The following SPIDR variants were observed in gnomAD, a reference collection of about 807,000 sequenced individuals.
SPIDR encodes DNA repair-scaffolding protein.
Under a neutral mutation model 104.6 loss-of-function variants are expected in SPIDR, and 93 were observed. The ratio of observed to expected loss-of-function variants is 0.89; its 90% CI spans 0.75 to 1.06. The LOEUF is 1.06. Ranked by LOEUF, SPIDR falls within the 50% of genes least tolerant of loss-of-function variation. The pLI is 0.00. For missense variants in SPIDR, 1,154 were observed against 1,111.2 expected, an observed-to-expected ratio of 1.04 and a Z score of -0.55; for synonymous variants, 431 against 416.9, an observed-to-expected ratio of 1.03 and a Z score of -0.41.
chr8:47,446,378 G>A (rs2070612432), intron 8 of SPIDR, among the ~76,000 whole-genome samples: 1 of 152,016 alleles, frequency 6.6e-6, no homozygotes, highest in South Asian at 2.1e-4. Context: ...CCAAACTTTT[G>A]AGACCTACTA....
At chr8:47,735,203 A>G (rs2086082121) in intron 19 of SPIDR, 104 bp from the exon 20 acceptor site, 8 of 1,076,806 alleles carry the variant, frequency 7.4e-6, no homozygotes, top group Non-Finnish European at 1.1e-5. Flanking sequence ...AAGGTCGTGG[A>G]CTGGGGAAAG....
At chr8:47,280,283 G>T (rs1207892437) in intron 2 of SPIDR, among the ~76,000 whole-genome samples, 1 of 147,870 alleles carries the variant, frequency 6.8e-6, no homozygotes, top group African/African-American at 2.5e-5. Flanking sequence ...TCACTTTGTT[G>T]CCCAGGCTGG....
intron 10 of SPIDR, among the ~76,000 whole-genome samples, chr8:47,603,395 AT>A (rs1010421060): frequency 6.6e-6 from 1 of 151,326 alleles, no homozygotes; most frequent in East Asian, 1.9e-4. Context: ...CCAGTAATTT[AT>A]TTTTTTCTTT....
At chr8:47,486,870 C>A (rs986469472) in intron 8 of SPIDR, among the ~76,000 whole-genome samples, 1 of 152,190 alleles carries the variant, frequency 6.6e-6, no homozygotes, top group Non-Finnish European at 1.5e-5. Flanking sequence ...CGGAAAGGAA[C>A]AACTGGTAGC....
At chr8:47,532,178 T>C (rs2086138757) in intron 8 of SPIDR, among the ~76,000 whole-genome samples, 1 of 150,780 alleles carries the variant, frequency 6.6e-6, no homozygotes. Flanking sequence ...CAAGCAATTC[T>C]CCTGCCTCAG....
chr8:47,575,958 T>TA (rs1308892468), intron 8 of SPIDR, among the ~76,000 whole-genome samples: 1,442 of 140,622 alleles, frequency 0.01, 22 homozygotes, highest in African/African-American at 0.033. Flanking sequence ...AGATTCCTTT[T>TA]AAAAAAAAAA....
chr8:47,619,805 G>A (rs924228232), intron 10 of SPIDR, among the ~76,000 whole-genome samples: 3 of 151,928 alleles, frequency 2.0e-5, no homozygotes, highest in Non-Finnish European at 2.9e-5. Flanking sequence ...GCTCTTTAAT[G>A]TCTTTAAGAG....
At chr8:47,581,085 G>C (rs1276640087) in intron 8 of SPIDR, among the ~76,000 whole-genome samples, 1 of 152,090 alleles carries the variant, frequency 6.6e-6, no homozygotes, top group Non-Finnish European at 1.5e-5. Context: ...CTCTCACAGA[G>C]GCAACATTCT....
chr8:47,291,487 C>G (rs1243198930), intron 4 of SPIDR, among the ~76,000 whole-genome samples: 1 of 152,182 alleles, frequency 6.6e-6, no homozygotes, highest in African/African-American at 2.4e-5. Context: ...AGCCCAGCAA[C>G]TGCACCTTTA....
At chr8:47,400,365 T>G (rs530181851) in intron 6 of SPIDR, among the ~76,000 whole-genome samples, 3 of 152,304 alleles carry the variant, frequency 2.0e-5, no homozygotes, top group East Asian at 3.9e-4. Context: ...GGATGTCTGT[T>G]TTGAAGTTAC....
chr8:47,663,871 A>G (rs539655436), intron 10 of SPIDR, among the ~76,000 whole-genome samples: 1 of 152,364 alleles, frequency 6.6e-6, no homozygotes, highest in East Asian at 1.9e-4. Flanking sequence ...ATGAGGACAC[A>G]GTGGATTCTC....
intron 11 of SPIDR, among the ~76,000 whole-genome samples, chr8:47,680,802 A>C (rs2076998019): frequency 6.6e-6 from 1 of 152,234 alleles, no homozygotes; most frequent in South Asian, 2.1e-4. Flanking sequence ...AGGAGAATAA[A>C]GTACCACTTA....
intron 10 of SPIDR, among the ~76,000 whole-genome samples, chr8:47,665,611 C>G (rs2074802635): frequency 6.6e-6 from 1 of 152,156 alleles, no homozygotes; most frequent in South Asian, 2.1e-4. Context: ...TCATACATAT[C>G]TGTGGAAATG....
At chr8:47,537,937 G>T (rs993366638) in intron 8 of SPIDR, among the ~76,000 whole-genome samples, 4 of 152,200 alleles carry the variant, frequency 2.6e-5, no homozygotes, top group African/African-American at 9.7e-5. Flanking sequence ...AACAGTTTGG[G>T]AGGCTGAGGC....
chr8:47,435,611 T>G (rs1186295061), intron 7 of SPIDR, among the ~76,000 whole-genome samples: 2 of 152,238 alleles, frequency 1.3e-5, no homozygotes, highest in Non-Finnish European at 2.9e-5. Flanking sequence ...TTAGTATTTG[T>G]GGTCTCCATT....
intron 10 of SPIDR, among the ~76,000 whole-genome samples, chr8:47,658,943 A>C (rs1265955102): frequency 7.4e-6 from 1 of 134,410 alleles, no homozygotes; most frequent in Non-Finnish European, 1.6e-5. Context: ...TCTCCATCTC[A>C]AAAAAAAAAA....
rs556784835 is a variant in SPIDR, at chr8:47,720,843, C to T, written c.2342-6357C>T. Among the ~76,000 whole-genome samples the T allele has an allele frequency of 3.9e-5, 6 of 152,086 alleles. No individual in the cohort carries two copies. The South Asian group carries it at 1.3e-3, about 32-fold the overall frequency. ...TGCAGTCTTGGCTCACTGCAACTTC[C>T]ACCCCGCTGGTTCAAGCAATTCTCC... On this transcript the variant is annotated intron_variant, in intron 16 of 19. Coordinates refer to ENST00000297423, the MANE Select transcript of SPIDR (RefSeq NM_001080394.4).
chr8:47,706,467 C>T (rs1298478516), intron 14 of SPIDR, among the ~76,000 whole-genome samples: 4 of 152,156 alleles, frequency 2.6e-5, no homozygotes, highest in Non-Finnish European at 4.4e-5. Flanking sequence ...TCAGCAGCCA[C>T]GTGTGCACTC....
chr8:47,462,056 A>G (rs1194645778), intron 8 of SPIDR, among the ~76,000 whole-genome samples: 1 of 151,996 alleles, frequency 6.6e-6, no homozygotes, highest in Non-Finnish European at 1.5e-5. Context: ...TGTCAGAGGG[A>G]AGATCTGGCA....
Sources: gnomAD v4.1 joint callset for allele counts (sites outside exome capture counted in the v4.1 genomes callset) on GRCh38, gnomAD v4.1.1 for gene constraint, MANE v1.5 for transcripts, NCBI Gene and HGNC (gene_info 2026-07-23, HGNC 2026-07-21) for gene names.